Variants in VAT1L observed in about 807,000 individuals in gnomAD.
VAT1L encodes vesicle amine transport 1 like, also known as putative NADPH-dependent quinone oxidoreductase VAT1L.
Under a neutral mutation model 44.1 loss-of-function variants are expected in VAT1L, and 34 were observed. The observed-to-expected ratio is 0.77, with a 90% confidence interval of 0.59 to 1.03. The LOEUF is 1.03. Ranked by LOEUF, VAT1L falls within the 50% of genes least tolerant of loss-of-function variation. The probability of loss-of-function intolerance (pLI) is 0.00; values close to 1 mark genes in which losing one functional copy is unlikely to be tolerated. For missense variants in VAT1L, 615 were observed against 538.8 expected (o/e 1.14, Z -1.40); for synonymous variants, 253 against 202.2 (o/e 1.25, Z -2.13).
At chr16:77,862,967 G>T (rs1477859482) in intron 4 of VAT1L, 77 bp downstream of exon 4, 18 of 1,510,892 alleles carry the variant, frequency 1.2e-5, no homozygotes, top group Non-Finnish European at 1.6e-5. Flanking sequence ...TTATTTAAAA[G>T]AGGGATAATA....
chr16:77,802,526 A>C (rs28504680), intron 1 of VAT1L, among the ~76,000 whole-genome samples: 48,224 of 151,338 alleles, frequency 0.32, 8,175 homozygotes, highest in African/African-American at 0.42. Flanking sequence ...GAGGCAGGGA[A>C]TTGCTTGAAC....
At position 77,977,930 on chromosome 16, in the gene VAT1L, A is replaced by G; in HGVS notation, c.*235A>G. The G allele has an allele frequency of 2.2e-6, 1 of 463,686 alleles. No individual in the cohort carries two copies. The highest frequency in any genetic ancestry group is 4.0e-6 in the Non-Finnish European group (1 of 252,766). The allele number at this position is 463,686 out of a possible 1,614,324, so 28.7% of individuals were successfully genotyped here. A position where few individuals can be genotyped will look rare whatever the true frequency, so the allele number is the denominator to read the frequency against. On this transcript the variant is annotated 3_prime_UTR_variant, in exon 9 of 9. Coordinates refer to ENST00000302536, the MANE Select transcript of VAT1L (RefSeq NM_020927.3). ...TATTACACATTCCCCTCTCCCCTGT[A>G]TCAAAACCATCCATCTGTGGGTTCT...
At chr16:77,943,343 C>T (rs1264451784) in intron 7 of VAT1L, among the ~76,000 whole-genome samples, 2 of 151,488 alleles carry the variant, frequency 1.3e-5, no homozygotes, top group Non-Finnish European at 2.9e-5. Flanking sequence ...AGATTACAGG[C>T]GTGAACCACC....
chr16:77,955,632 G>A (rs918547858), intron 7 of VAT1L, among the ~76,000 whole-genome samples: 2 of 151,958 alleles, frequency 1.3e-5, no homozygotes, highest in African/African-American at 4.8e-5. Flanking sequence ...GGCTGAAGTG[G>A]GAGAATCTCT....
At chr16:77,833,532 CA>C (rs1680780779) in intron 3 of VAT1L, among the ~76,000 whole-genome samples, 1 of 151,826 alleles carries the variant, frequency 6.6e-6, no homozygotes, top group African/African-American at 2.4e-5. Flanking sequence ...GCGGGCAGAT[CA>C]CGAGGTCAGG....
At chr16:77,819,543 G>C (rs1196055709) in intron 2 of VAT1L, among the ~76,000 whole-genome samples, 1 of 152,038 alleles carries the variant, frequency 6.6e-6, no homozygotes, top group East Asian at 1.9e-4. Flanking sequence ...CACCACACCT[G>C]GCTAATTTTT....
intron 7 of VAT1L, among the ~76,000 whole-genome samples, chr16:77,922,979 A>G (rs1283094514): frequency 6.6e-6 from 1 of 152,150 alleles, no homozygotes; most frequent in Non-Finnish European, 1.5e-5. Flanking sequence ...TACAAGCACT[A>G]AATCTTCAGA....
chr16:77,804,478 T>C (rs945437722), intron 1 of VAT1L, among the ~76,000 whole-genome samples: 1 of 152,180 alleles, frequency 6.6e-6, no homozygotes, highest in African/African-American at 2.4e-5. Flanking sequence ...TACTGAGGTG[T>C]GTTTTGAATA....
At chr16:77,890,133 G>C (rs1322805832) in intron 7 of VAT1L, among the ~76,000 whole-genome samples, 2 of 151,998 alleles carry the variant, frequency 1.3e-5, no homozygotes, top group Non-Finnish European at 2.9e-5. Flanking sequence ...AGATGAGGTG[G>C]GGCTTGCTTG....
chr16:77,949,010 T>C (rs2018006947), intron 7 of VAT1L, among the ~76,000 whole-genome samples: 1 of 152,144 alleles, frequency 6.6e-6, no homozygotes, highest in South Asian at 2.1e-4. Flanking sequence ...ATCAAACCCT[T>C]GGGACATGAA....
intron 7 of VAT1L, among the ~76,000 whole-genome samples, chr16:77,900,395 AGAAAATAG>A (rs772766598): frequency 2.6e-5 from 4 of 152,252 alleles, no homozygotes; most frequent in Non-Finnish European, 5.9e-5. Context: ...TACAACATTT[AGAAAATAG>A]GAAAAAAGGG....
chr16:77,880,467 G>C (rs2017139558), intron 6 of VAT1L, among the ~76,000 whole-genome samples: 2 of 151,070 alleles, frequency 1.3e-5, no homozygotes, highest in African/African-American at 4.9e-5. Context: ...GCCAAACTTA[G>C]TTTTTTAAAT....
At chr16:77,854,813 A>C (rs1397821147) in intron 3 of VAT1L, among the ~76,000 whole-genome samples, 5 of 152,198 alleles carry the variant, frequency 3.3e-5, no homozygotes. Context: ...CAGTGAAAAC[A>C]ACTTTTAGAA....
chr16:77,867,964 A>G (rs182846602), intron 4 of VAT1L, among the ~76,000 whole-genome samples: 4 of 151,932 alleles, frequency 2.6e-5, no homozygotes, highest in Admixed American at 6.6e-5. Context: ...TTTTTCATTT[A>G]TTCTGTACAG....
chr16:77,937,606 C>T (rs2017818470), intron 7 of VAT1L, among the ~76,000 whole-genome samples: 1 of 152,226 alleles, frequency 6.6e-6, no homozygotes, highest in Non-Finnish European at 1.5e-5. Flanking sequence ...AGAAAGGGAG[C>T]TGGAACTTAA....
At chr16:77,968,827 CTT>C (rs1244035902) in intron 7 of VAT1L, among the ~76,000 whole-genome samples, 1 of 149,860 alleles carries the variant, frequency 6.7e-6, no homozygotes, top group Non-Finnish European at 1.5e-5. Context: ...AGAATCAATT[CTT>C]TTTTTTTTAA....
At chr16:77,802,606 C>A (rs1036750704) in intron 1 of VAT1L, among the ~76,000 whole-genome samples, 1 of 140,946 alleles carries the variant, frequency 7.1e-6, no homozygotes, top group Non-Finnish European at 1.5e-5. Context: ...AGAGCGAGAC[C>A]CCATCTCAAA....
intron 7 of VAT1L, among the ~76,000 whole-genome samples, chr16:77,894,427 G>A (rs770522504): frequency 4.6e-5 from 7 of 152,182 alleles, no homozygotes; most frequent in Non-Finnish European, 7.3e-5. Flanking sequence ...AGGGAGGACA[G>A]GCCAACAGCC....
chr16:77,939,409 T>C (rs1286109147), intron 7 of VAT1L, among the ~76,000 whole-genome samples: 1 of 152,114 alleles, frequency 6.6e-6, no homozygotes, highest in Non-Finnish European at 1.5e-5. Flanking sequence ...GTGGGGACGG[T>C]GGGAGTAGTT....
Sources: allele counts gnomAD v4.1 joint callset (sites outside exome capture counted in the v4.1 genomes callset), GRCh38; gene constraint gnomAD v4.1.1; transcripts MANE v1.5; gene names NCBI Gene and HGNC (gene_info 2026-07-23, HGNC 2026-07-21).